The following IGSF10 variants were observed in gnomAD, a reference collection of about 807,000 sequenced individuals.
IGSF10 encodes the protein immunoglobulin superfamily member 10, also known as calvaria mechanical force protein 608.
Under a neutral mutation model 128.2 loss-of-function variants are expected in IGSF10, and 126 were observed. That is an observed-to-expected ratio of 0.98 (90% confidence interval 0.85 to 1.14). IGSF10 has a LOEUF of 1.14. IGSF10 is among the 50% of genes most tolerant of loss of function. The pLI is 0.00. For synonymous variants in IGSF10, 1,185 were observed against 1,146.2 expected, an observed-to-expected ratio of 1.03 and a Z score of -0.68; for missense variants, 3,295 against 3,149.8, an observed-to-expected ratio of 1.05 and a Z score of -1.10.
At chr3:151,530,489 A>C in the IGSF10 span, among the ~76,000 whole-genome samples, 1 of 152,220 alleles carries the variant, frequency 6.6e-6, no homozygotes, top group Admixed American at 6.5e-5. Context: ...CCACAAAGGG[A>C]AGCGACTAAC....
At chr3:151,561,865 T>C in the IGSF10 span, among the ~76,000 whole-genome samples, 1 of 152,202 alleles carries the variant, frequency 6.6e-6, no homozygotes, top group African/African-American at 2.4e-5. Flanking sequence ...TGAAGCATGC[T>C]GCAATATTTC....
At position 151,437,242 on chromosome 3, in the gene IGSF10, C is replaced by T. The variant is rs1720389413; in HGVS notation, c.7319G>A (p.Gly2440Glu). Residue 2440 changes from glycine (G) to glutamate (E), a missense_variant, in exon 8 of 8, where the codon GGG becomes GAG. Coordinates refer to ENST00000282466, the MANE Select transcript of IGSF10 (RefSeq NM_178822.5). ...QKPVILTYAP[G>E]TVKGISGESL... Reference sequence around the variant, plus strand: ...TTCTCCACTGATGCCTTTTACTGTCCCTGGTGCATAGGTAAGAATAACTGG... The same window carrying T: ...TTCTCCACTGATGCCTTTTACTGTCTCTGGTGCATAGGTAAGAATAACTGG... 6.2e-7 allele frequency: 1 copy of T among 1,614,152 alleles called. No homozygotes were observed.
chr3:151,531,344 A>G, the IGSF10 span, among the ~76,000 whole-genome samples: 1,478 of 152,338 alleles, frequency 9.7e-3, 16 homozygotes, highest in Middle Eastern at 0.027. Flanking sequence ...CCTAATAGAC[A>G]TCTACAGAAC....
the IGSF10 span, among the ~76,000 whole-genome samples, chr3:151,472,446 A>T: frequency 3.9e-5 from 6 of 152,206 alleles, no homozygotes; most frequent in South Asian, 4.1e-4. Context: ...AAGCAGTTAA[A>T]TAAGGTGCTA....
the IGSF10 span, among the ~76,000 whole-genome samples, chr3:151,617,314 T>TCC: frequency 4.1e-5 from 5 of 122,562 alleles, no homozygotes; most frequent in African/African-American, 1.6e-4. Context: ...CTTCTTCTTC[T>TCC]TCTTCCCCTC....
At chr3:151,512,615 A>G in the IGSF10 span, among the ~76,000 whole-genome samples, 6 of 152,204 alleles carry the variant, frequency 3.9e-5, no homozygotes, top group African/African-American at 1.2e-4. Context: ...CTAAAATCAG[A>G]GCAGAACTGA....
At chr3:151,560,407 A>AT in the IGSF10 span, among the ~76,000 whole-genome samples, 23 of 152,104 alleles carry the variant, frequency 1.5e-4, no homozygotes, top group Non-Finnish European at 2.9e-5. Flanking sequence ...AGCTTTAATC[A>AT]TCTGTTCCTT....
At chr3:151,525,395 G>C in the IGSF10 span, among the ~76,000 whole-genome samples, 1,948 of 152,222 alleles carry the variant, frequency 0.013, 89 homozygotes, top group East Asian at 0.16. Flanking sequence ...AGATAGAGTA[G>C]CATCCAAGTT....
the IGSF10 span, among the ~76,000 whole-genome samples, chr3:151,520,695 A>G: frequency 6.6e-6 from 1 of 151,898 alleles, no homozygotes; most frequent in East Asian, 1.9e-4. Flanking sequence ...TGAGTTTGTT[A>G]CCACCACACC....
the IGSF10 span, among the ~76,000 whole-genome samples, chr3:151,469,976 A>G: frequency 6.6e-6 from 1 of 152,360 alleles, no homozygotes; most frequent in East Asian, 1.9e-4. Flanking sequence ...AAGTGTTCAC[A>G]ATAATAGATC....
At chr3:151,485,478 C>T in the IGSF10 span, among the ~76,000 whole-genome samples, 1 of 152,112 alleles carries the variant, frequency 6.6e-6, no homozygotes, top group Non-Finnish European at 1.5e-5. Context: ...TTGAGAAGAA[C>T]AACCCCAAGA....
chr3:151,445,143 T>C lies in IGSF10; in HGVS notation c.4838A>G (p.Gln1613Arg), dbSNP rs771445241. Residue 1613 changes from glutamine to arginine, a missense_variant, in exon 6 of 8, where the codon CAG becomes CGG. Coordinates refer to ENST00000282466, the MANE Select transcript of IGSF10 (RefSeq NM_178822.5). The part of the protein sequence containing the change: ...ATTLVSDWDG[Q>R]KNTKKSDFDK... ...AAAGTCACTCTTCTTTGTGTTCTTC[T>C]GTCCATCCCAATCTGAAACAAGAGT... The C allele has an allele frequency of 8.7e-6, 14 of 1,614,082 alleles. No individual in the cohort carries two copies. In the East Asian group the frequency reaches 2.7e-4, roughly 31 times the overall value.
chr3:151,607,328 T>C, the IGSF10 span, among the ~76,000 whole-genome samples: 1 of 152,160 alleles, frequency 6.6e-6, no homozygotes, highest in African/African-American at 2.4e-5. Flanking sequence ...AAATTTATTC[T>C]TTGCTAAACC....
At chr3:151,467,587 G>C in the IGSF10 span, among the ~76,000 whole-genome samples, 1 of 152,090 alleles carries the variant, frequency 6.6e-6, no homozygotes, top group Admixed American at 6.5e-5. Context: ...ACCAAAAGTA[G>C]CTAGAAAAAT....
At chr3:151,459,756 TAA>T (rs1227815711) in intron 2 of IGSF10, among the ~76,000 whole-genome samples, 1 of 152,152 alleles carries the variant, frequency 6.6e-6, no homozygotes, top group Non-Finnish European at 1.5e-5. Context: ...AGGATTGAAA[TAA>T]ACTCTTTATT....
At chr3:151,441,214 A>C (rs1720830215) in intron 7 of IGSF10, among the ~76,000 whole-genome samples, 1 of 152,210 alleles carries the variant, frequency 6.6e-6, no homozygotes, top group Admixed American at 6.5e-5. Flanking sequence ...GACATATAAC[A>C]GACAGAACTA....
chr3:151,517,636 A>G, the IGSF10 span, among the ~76,000 whole-genome samples: 2 of 151,948 alleles, frequency 1.3e-5, no homozygotes, highest in African/African-American at 2.4e-5. Flanking sequence ...CTAAGGCCCT[A>G]TGTTTTGGTT....
At chr3:151,490,363 G>T in the IGSF10 span, among the ~76,000 whole-genome samples, 1 of 152,228 alleles carries the variant, frequency 6.6e-6, no homozygotes, top group South Asian at 2.1e-4. Context: ...CAACATTGTA[G>T]AACCTAAATG....
At chr3:151,518,744 A>C in the IGSF10 span, among the ~76,000 whole-genome samples, 2 of 151,974 alleles carry the variant, frequency 1.3e-5, no homozygotes, top group Non-Finnish European at 2.9e-5. Flanking sequence ...TATCAGCCAA[A>C]AGTTTTGTAC....
Sources: allele counts gnomAD v4.1 joint callset (sites outside exome capture counted in the v4.1 genomes callset), GRCh38; gene constraint gnomAD v4.1.1; transcripts MANE v1.5; gene names NCBI Gene and HGNC (gene_info 2026-07-23, HGNC 2026-07-21).